The following COL14A1 variants were observed in gnomAD, a reference collection of about 807,000 sequenced individuals.
COL14A1 encodes collagen type XIV alpha 1 chain.
COL14A1 carries 136 observed loss-of-function variants against 230.3 expected under a neutral mutation model. The ratio of observed to expected loss-of-function variants is 0.59; its 90% CI spans 0.51 to 0.68. The LOEUF (loss-of-function observed/expected upper bound fraction) is 0.68. Among genes scored for constraint, COL14A1 ranks in the 30% least tolerant of loss-of-function variants. The pLI is 0.00. For synonymous variants in COL14A1, 792 were observed against 784.1 expected, an observed-to-expected ratio of 1.01 and a Z score of -0.17; for missense variants, 1,976 against 2,215.8, an observed-to-expected ratio of 0.89 and a Z score of 2.17.
intron 4 of COL14A1, among the ~76,000 whole-genome samples, chr8:120,166,935 G>A (rs59073093): frequency 1.6e-4 from 23 of 146,888 alleles, no homozygotes; most frequent in South Asian, 2.2e-4. Context: ...GGTGATGATG[G>A]TGGTGGTGGG....
intron 42 of COL14A1, among the ~76,000 whole-genome samples, chr8:120,335,401 G>A (rs1031087229): frequency 6.6e-6 from 1 of 152,186 alleles, no homozygotes; most frequent in Non-Finnish European, 1.5e-5. Context: ...AAACCATTTG[G>A]CCTATTAGCA....
intron 2 of COL14A1, among the ~76,000 whole-genome samples, chr8:120,150,571 C>A (rs1239422117): frequency 6.6e-6 from 1 of 152,064 alleles, no homozygotes; most frequent in African/African-American, 2.4e-5. Flanking sequence ...GCTTCTATAT[C>A]TTTGCATTGT....
chr8:120,140,912 T>C, intron 1 of COL14A1, among the ~76,000 whole-genome samples: 1 of 152,232 alleles, frequency 6.6e-6, no homozygotes, highest in East Asian at 1.9e-4. Flanking sequence ...TTAAGAGCAC[T>C]TGTATTAAAC....
At chr8:120,228,835 C>T in intron 18 of COL14A1, 66 bp downstream of exon 18, 2 of 1,338,462 alleles carry the variant, frequency 1.5e-6, no homozygotes, top group Non-Finnish European at 2.1e-6. Flanking sequence ...TTATATTATC[C>T]TGGTTTTATT....
chr8:120,196,629 T>A (rs551235405), intron 5 of COL14A1, among the ~76,000 whole-genome samples, 162 bp from the exon 6 acceptor site: 4 of 152,336 alleles, frequency 2.6e-5, no homozygotes, highest in African/African-American at 9.6e-5. Context: ...CAATTTTTTT[T>A]CTAGTAAAAT....
chr8:120,262,911 G>T lies in COL14A1; in HGVS notation c.2913G>T (p.Arg971Ser), dbSNP rs778529216. 16 of 1,613,348 alleles carry T rather than the reference G, an allele frequency of 9.9e-6. No homozygotes were observed. Among genetic ancestry groups the T allele is most frequent in the East Asian group, 2.2e-5 (1 of 44,846 alleles). Residue 971 changes from arginine to serine, a missense_variant, in exon 24 of 48, where the codon AGG (arginine) becomes AGT (serine). Transcript: ENST00000297848. ...CCACTGTGGGTGGAGGGACAACCAG[G>T]CATTGCTTCTATGGACTTCAGCCTG... ...QESTVGGGTT[R>S]HCFYGLQPDS...
At chr8:120,221,656 G>A (rs1412925901) in intron 14 of COL14A1, among the ~76,000 whole-genome samples, 1 of 151,886 alleles carries the variant, frequency 6.6e-6, no homozygotes, top group Non-Finnish European at 1.5e-5. Context: ...CTGCTTTTGT[G>A]TATATTTGAT....
Position 120,142,105 on chromosome 8 carries a change from GT to G in COL14A1, c.-37-5692del, listed in dbSNP as rs139527263. Reference sequence around the variant, plus strand: ...TTCTCCAAAAAGACAAACGTGGCCTGTTTTTTTTTACCTTTCTTTTCCTTGC... The same window carrying G: ...TTCTCCAAAAAGACAAACGTGGCCTGTTTTTTTTACCTTTCTTTTCCTTGC... On this transcript the variant is annotated intron_variant, in intron 1 of 47. Coordinates refer to ENST00000297848, the MANE Select transcript of COL14A1 (RefSeq NM_021110.4). Among the ~76,000 whole-genome samples the G allele has an allele frequency of 1.6e-3, 242 of 150,996 alleles. 1 individual carries two copies. The highest frequency in any genetic ancestry group is 2.9e-3 in the Non-Finnish European group (197 of 67,630).
chr8:120,242,851 G>A (rs1191753349), intron 19 of COL14A1, among the ~76,000 whole-genome samples: 1 of 152,124 alleles, frequency 6.6e-6, no homozygotes, highest in Non-Finnish European at 1.5e-5. Context: ...GGTTCAACTC[G>A]AGGCTTTCTA....
intron 1 of COL14A1, among the ~76,000 whole-genome samples, chr8:120,129,993 A>C (rs1259229956): frequency 6.6e-6 from 1 of 152,240 alleles, no homozygotes; most frequent in East Asian, 1.9e-4. Context: ...GGAGAACCTC[A>C]ATAAGATGAG....
intron 5 of COL14A1, among the ~76,000 whole-genome samples, chr8:120,178,617 G>T (rs1156413975): frequency 6.6e-6 from 1 of 152,150 alleles, no homozygotes; most frequent in Non-Finnish European, 1.5e-5. Context: ...GGGTCAAATG[G>T]TATTTCTAGT....
At position 120,170,420 on chromosome 8, in the gene COL14A1, G is replaced by A. The variant is rs892667724; in HGVS notation, c.436+2173G>A. ...TGATCCATGAGTTACTTAGAAATATGCTATTAATTTCTAAACATCTGGAGA... is the reference window on the plus strand; with the variant it reads ...TGATCCATGAGTTACTTAGAAATATACTATTAATTTCTAAACATCTGGAGA... On this transcript the variant is annotated intron_variant, in intron 5 of 47. Coordinates refer to ENST00000297848, the MANE Select transcript of COL14A1 (RefSeq NM_021110.4). Among the ~76,000 whole-genome samples the A allele has an allele frequency of 1.1e-4, 17 of 151,972 alleles. No individual in the cohort carries two copies. The East Asian group carries it at 3.1e-3, about 28-fold the overall frequency.
chr8:120,360,443 A>G (rs1170410596), intron 45 of COL14A1, among the ~76,000 whole-genome samples: 1 of 152,184 alleles, frequency 6.6e-6, no homozygotes. Flanking sequence ...AAACAACCTG[A>G]AACTGCCAAA....
In COL14A1 at chr8:120,250,700, A is replaced by G; in HGVS notation, c.2686A>G (p.Asn896Asp). Residue 896 changes from asparagine (N) to aspartate (D), a missense_variant, in exon 22 of 48, where the codon AAT becomes GAT. By Grantham distance (23) the Asn-to-Asp change is conservative. This residue lies in a region of COL14A1 where 1,791 missense variants were observed against 2,019.5 expected (regional missense o/e 0.89). Transcript: ENST00000297848. ...ITNLLSGMDY[N>D]VKIFASQASG... ...AAACCTCCTCAGCGGAATGGACTAC[A>G]ATGTGAAGATATTTGCCTCCCAGGC... is the stretch of plus-strand genomic sequence containing the variant. The G allele has an allele frequency of 6.2e-6, 10 of 1,614,234 alleles. No homozygotes were observed. Among genetic ancestry groups the G allele is most frequent in the Non-Finnish European group, 8.5e-6 (10 of 1,180,048 alleles).
chr8:120,249,703 T>A (rs2129670265), intron 21 of COL14A1, among the ~76,000 whole-genome samples: 1 of 152,292 alleles, frequency 6.6e-6, no homozygotes, highest in Non-Finnish European at 1.5e-5. Flanking sequence ...ACAGTACTCC[T>A]CTGCCCCAGA....
At chr8:120,255,605 G>A (rs767453809) in intron 23 of COL14A1, among the ~76,000 whole-genome samples, 1 of 152,130 alleles carries the variant, frequency 6.6e-6, no homozygotes, top group Non-Finnish European at 1.5e-5. Context: ...AGAGTTCTGT[G>A]AAGATAAAGC....
intron 47 of COL14A1, chr8:120,370,589 T>C (rs1438162216): frequency 3.4e-6 from 5 of 1,453,154 alleles, no homozygotes; most frequent in Non-Finnish European, 4.5e-6. Flanking sequence ...ATCATATATG[T>C]CTATTTTAAT....
chr8:120,182,297 G>C (rs769910195), intron 5 of COL14A1, among the ~76,000 whole-genome samples: 1 of 152,082 alleles, frequency 6.6e-6, no homozygotes, highest in Non-Finnish European at 1.5e-5. Context: ...AGGAATGCTC[G>C]GGCTTCTCTT....
chr8:120,138,374 G>T (rs942538436), intron 1 of COL14A1, among the ~76,000 whole-genome samples: 1 of 152,108 alleles, frequency 6.6e-6, no homozygotes, highest in African/African-American at 2.4e-5. Context: ...GTTTTATGCA[G>T]ATTTTGCTCC....
Sources: allele counts gnomAD v4.1 joint callset (sites outside exome capture counted in the v4.1 genomes callset), GRCh38; gene constraint gnomAD v4.1.1; regional missense constraint gnomAD v4.1.1; transcripts MANE v1.5; gene names NCBI Gene and HGNC (gene_info 2026-07-23, HGNC 2026-07-21).